Variants in VMP1 observed in about 807,000 individuals in gnomAD.
VMP1 encodes the protein ectopic P-granules autophagy protein 3 homolog.
Under a neutral mutation model 56.0 loss-of-function variants are expected in VMP1, and 11 were observed. The ratio of observed to expected loss-of-function variants is 0.20; its 90% CI spans 0.12 to 0.32. VMP1 has a LOEUF of 0.32. VMP1 is among the 10% of genes least tolerant of loss of function. VMP1 has a pLI of 1.00. For synonymous variants in VMP1, 149 were observed against 165.0 expected, an observed-to-expected ratio of 0.90 and a Z score of 0.74; for missense variants, 296 against 490.3, an observed-to-expected ratio of 0.60 and a Z score of 3.74.
intron 7 of VMP1, among the ~76,000 whole-genome samples, chr17:59,785,319 A>G (rs945025327): frequency 6.6e-6 from 1 of 152,214 alleles, no homozygotes; most frequent in African/African-American, 2.4e-5. Flanking sequence ...TATTATTGCT[A>G]TCAGAATAGG....
chr17:59,733,391 C>T (rs915248231), intron 2 of VMP1, among the ~76,000 whole-genome samples: 3 of 151,922 alleles, frequency 2.0e-5, no homozygotes, highest in East Asian at 3.9e-4. Flanking sequence ...ATGGAATTAC[C>T]GGTTTACAGT....
intron 5 of VMP1, among the ~76,000 whole-genome samples, chr17:59,754,913 A>G (rs2035780166): frequency 6.6e-6 from 1 of 152,016 alleles, no homozygotes; most frequent in African/African-American, 2.4e-5. Flanking sequence ...GCTTAAATGA[A>G]AGCCAAGAAA....
At chr17:59,758,527 T>C (rs961885873) in intron 5 of VMP1, among the ~76,000 whole-genome samples, 1 of 151,564 alleles carries the variant, frequency 6.6e-6, no homozygotes, top group Non-Finnish European at 1.5e-5. Context: ...CTACAAAAAA[T>C]AGAAAAATTA....
rs1188202439 is a variant in VMP1, at chr17:59,773,749, C to T, written c.583-5C>T. ...TCATTGTAAGTATTTTGGTTTTTCA[C>T]CTAGGGTATCGGTACAGCAATCGGA... On this transcript the variant is annotated splice_region_variant and splice_polypyrimidine_tract_variant and intron_variant, in intron 6 of 11. Coordinates refer to ENST00000262291, the MANE Select transcript of VMP1 (RefSeq NM_030938.5). The T allele has an allele frequency of 1.1e-5, 17 of 1,593,676 alleles. No homozygotes were observed. Among genetic ancestry groups the T allele is most frequent in the East Asian group, 2.2e-5 (1 of 44,580 alleles).
At chr17:59,727,310 A>G (rs2034645859) in intron 1 of VMP1, among the ~76,000 whole-genome samples, 1 of 151,226 alleles carries the variant, frequency 6.6e-6, no homozygotes, top group Non-Finnish European at 1.5e-5. Flanking sequence ...ATTTTTTCGT[A>G]TTTTTAGTAG....
At chr17:59,736,389 C>T (rs1355452162) in intron 3 of VMP1, among the ~76,000 whole-genome samples, 5 of 122,802 alleles carry the variant, frequency 4.1e-5, no homozygotes, top group South Asian at 3.1e-4. Flanking sequence ...GGCAACAGAA[C>T]GATACTCTGT....
chr17:59,764,706 T>C (rs1339559835), intron 5 of VMP1, among the ~76,000 whole-genome samples: 2 of 152,184 alleles, frequency 1.3e-5, no homozygotes, highest in African/African-American at 4.8e-5. Context: ...TCAAAGCTAA[T>C]TGAAATGTAG....
chr17:59,728,619 G>A (rs1000852568), intron 1 of VMP1, among the ~76,000 whole-genome samples: 2 of 152,050 alleles, frequency 1.3e-5, no homozygotes, highest in Non-Finnish European at 1.5e-5. Context: ...CAGGAGGATC[G>A]CTTCAGGCCA....
chr17:59,735,380 A>G lies in VMP1; in HGVS notation c.119A>G (p.Glu40Gly), dbSNP rs775232243. ...VNEKKRRERE[E>G]RQNIVLWRQP... ...GAAAAGAAGAGGAGGGAGCGGGAAG[A>G]AAGGCAGAATATTGTCCTGTGGAGA... is the stretch of plus-strand genomic sequence containing the variant. The change falls in exon 3 of 12, where the codon GAA becomes GGA. Residue 40 changes from glutamate to glycine, a missense_variant. Coordinates refer to ENST00000262291, the MANE Select transcript of VMP1 (RefSeq NM_030938.5). The G allele has an allele frequency of 6.2e-7, 1 of 1,614,064 alleles. No homozygotes were observed. The highest frequency in any genetic ancestry group is 2.2e-5 in the East Asian group (1 of 44,886).
intron 7 of VMP1, among the ~76,000 whole-genome samples, chr17:59,795,336 C>T (rs762003548): frequency 2.6e-5 from 4 of 151,182 alleles, no homozygotes; most frequent in South Asian, 4.2e-4. Flanking sequence ...AGGCTGGTCT[C>T]GAACTCCTGA....
intron 1 of VMP1, among the ~76,000 whole-genome samples, chr17:59,710,584 G>A (rs1464059346): frequency 6.6e-6 from 1 of 152,110 alleles, no homozygotes; most frequent in Non-Finnish European, 1.5e-5. Flanking sequence ...CTTATAAATT[G>A]TAGCATAACA....
chr17:59,804,329 T>C (rs1197496972), intron 7 of VMP1, among the ~76,000 whole-genome samples: 2 of 151,990 alleles, frequency 1.3e-5, no homozygotes, highest in African/African-American at 2.4e-5. Context: ...TAAAATAAAT[T>C]TGGGCCTGGC....
intron 6 of VMP1, among the ~76,000 whole-genome samples, chr17:59,766,102 G>A (rs1172206788): frequency 6.6e-6 from 1 of 151,908 alleles, no homozygotes; most frequent in Non-Finnish European, 1.5e-5. Context: ...CTGAGACAGG[G>A]CCTTGCTCTG....
intron 7 of VMP1, among the ~76,000 whole-genome samples, chr17:59,803,540 A>G (rs2037745697): frequency 6.6e-6 from 1 of 152,366 alleles, no homozygotes; most frequent in African/African-American, 2.4e-5. Flanking sequence ...TGCATGCTTC[A>G]TATTTAAGTA....
intron 5 of VMP1, among the ~76,000 whole-genome samples, chr17:59,740,554 A>G (rs536557885): frequency 4.7e-4 from 72 of 152,334 alleles, no homozygotes; most frequent in African/African-American, 1.6e-3. Context: ...TGCTTTGGGA[A>G]TTAATCTATA....
At chr17:59,830,532 T>G (rs1205751117) in intron 10 of VMP1, among the ~76,000 whole-genome samples, 1 of 152,210 alleles carries the variant, frequency 6.6e-6, no homozygotes, top group Non-Finnish European at 1.5e-5. Flanking sequence ...GGTAAAAAAC[T>G]GTTGTGCCCA....
At chr17:59,780,161 T>C (rs1189185666) in intron 7 of VMP1, among the ~76,000 whole-genome samples, 1 of 152,248 alleles carries the variant, frequency 6.6e-6, no homozygotes, top group Non-Finnish European at 1.5e-5. Context: ...TTTCATCCTG[T>C]AAAGCCAATA....
At chr17:59,745,312 CACTT>C (rs2035383724) in intron 5 of VMP1, among the ~76,000 whole-genome samples, 1 of 152,298 alleles carries the variant, frequency 6.6e-6, no homozygotes, top group Non-Finnish European at 1.5e-5. Flanking sequence ...TGAATTATCT[CACTT>C]AGGCCTCCCA....
Position 59,797,913 on chromosome 17 carries a change from A to G in VMP1, c.715-10883A>G, listed in dbSNP as rs75663074. On this transcript the variant is annotated intron_variant, in intron 7 of 11. Transcript: ENST00000262291. ...AAACTATGATAAAATAAATTTTTAA[A>G]ACGAAGTTCAAAAATAGGAAAAGCT... Among the ~76,000 whole-genome samples, 632 of 152,334 alleles carry G rather than the reference A, an allele frequency of 4.1e-3. 2 individuals are homozygous for G. Among genetic ancestry groups the G allele is most frequent in the African/African-American group, 0.015 (605 of 41,586 alleles).
Sources: allele counts gnomAD v4.1 joint callset (sites outside exome capture counted in the v4.1 genomes callset), GRCh38; gene constraint gnomAD v4.1.1; transcripts MANE v1.5; gene names NCBI Gene and HGNC (gene_info 2026-07-23, HGNC 2026-07-21).